ABCB5: variants seen among roughly 807,000 people sequenced by gnomAD.
ABCB5 encodes the protein ATP binding cassette subfamily B member 5.
ABCB5 carries 155 observed loss-of-function variants against 144.2 expected under a neutral mutation model. The ratio of observed to expected loss-of-function variants is 1.08; its 90% CI spans 0.94 to 1.23. ABCB5 has a LOEUF of 1.23. Among genes scored for constraint, ABCB5 ranks in the 50% most tolerant of loss-of-function variants. The probability of loss-of-function intolerance (pLI) is 0.00; values close to 1 mark genes in which losing one functional copy is unlikely to be tolerated. For synonymous variants in ABCB5, 610 were observed against 528.6 expected, an observed-to-expected ratio of 1.15 and a Z score of -2.11; for missense variants, 1,830 against 1,520.8, an observed-to-expected ratio of 1.20 and a Z score of -3.38.
intron 20 of ABCB5, among the ~76,000 whole-genome samples, chr7:20,720,357 T>G (rs1455619531): frequency 1.3e-5 from 2 of 152,214 alleles, no homozygotes; most frequent in Non-Finnish European, 2.9e-5. Context: ...TGACATAGCT[T>G]CAAAGTGCTT....
chr7:20,716,830 C>T (rs910559449), intron 20 of ABCB5, among the ~76,000 whole-genome samples: 1 of 152,156 alleles, frequency 6.6e-6, no homozygotes, highest in Non-Finnish European at 1.5e-5. Flanking sequence ...TGGGTGAGGG[C>T]TGAACCCTAC....
intron 14 of ABCB5, among the ~76,000 whole-genome samples, chr7:20,672,168 A>G (rs1467164042): frequency 6.6e-6 from 1 of 151,986 alleles, no homozygotes; most frequent in Non-Finnish European, 1.5e-5. Flanking sequence ...TTGTTTTCTT[A>G]TTACTGGGTT....
intron 20 of ABCB5, among the ~76,000 whole-genome samples, chr7:20,718,466 T>C (rs1583448390): frequency 6.6e-6 from 1 of 152,200 alleles, no homozygotes; most frequent in Non-Finnish European, 1.5e-5. Flanking sequence ...TATTTCATAG[T>C]TTTTTGAGTG....
intron 14 of ABCB5, among the ~76,000 whole-genome samples, chr7:20,668,774 G>T (rs1785330963): frequency 7.9e-6 from 1 of 127,058 alleles, no homozygotes; most frequent in Non-Finnish European, 1.7e-5. Flanking sequence ...GGTGAGGGGC[G>T]CCTCTGCCCG....
rs112050314 is a variant in ABCB5, at chr7:20,751,343, G to T, written c.3430-2017G>T. Among the ~76,000 whole-genome samples, 827 of 152,246 alleles carry T rather than the reference G, an allele frequency of 5.4e-3. 8 individuals are homozygous for T. The highest frequency in any genetic ancestry group is 0.019 in the African/African-American group (782 of 41,550). On this transcript the variant is annotated intron_variant, in intron 26 of 27. Transcript: ENST00000404938. Reference sequence around the variant, plus strand: ...AAAAATTAGCCAGGCGTGGTGGCGGGCGCCTGTAGTTGCAGCTACTGGGAG... The same window carrying T: ...AAAAATTAGCCAGGCGTGGTGGCGGTCGCCTGTAGTTGCAGCTACTGGGAG...
At chr7:20,657,316 A>G (rs982703814) in intron 13 of ABCB5, among the ~76,000 whole-genome samples, 4 of 142,836 alleles carry the variant, frequency 2.8e-5, no homozygotes, top group Middle Eastern at 3.2e-3. Flanking sequence ...ACATACTTAT[A>G]CTAAAAAAAA....
Position 20,633,336 on chromosome 7 carries a change from C to A in ABCB5, c.314+1223C>A, listed in dbSNP as rs376291355. 1.4e-4 allele frequency among the ~76,000 whole-genome samples: 22 copies of A among 152,244 alleles called. No individual in the cohort carries two copies. The East Asian group carries it at 2.3e-3, about 16-fold the overall frequency. ...TATATTGACTGGATTTCTGTACTGC[C>A]TCACTAAAGCTTTCTGGGTCTTTAC... On this transcript the variant is annotated intron_variant, in intron 5 of 27. Coordinates refer to ENST00000404938, the MANE Select transcript of ABCB5 (RefSeq NM_001163941.2).
chr7:20,724,719 T>C (rs1781983209), intron 21 of ABCB5, among the ~76,000 whole-genome samples: 1 of 150,870 alleles, frequency 6.6e-6, no homozygotes, highest in East Asian at 1.9e-4. Flanking sequence ...AATAGCAAAA[T>C]GATGTTAATA....
intron 14 of ABCB5, among the ~76,000 whole-genome samples, chr7:20,675,369 G>GGGTGCA (rs144476115): frequency 0.071 from 10,824 of 151,906 alleles, 1,130 homozygotes; most frequent in African/African-American, 0.23. Flanking sequence ...CCTTTGACAA[G>GGGTGCA]GGTGCAAAGA....
At chr7:20,704,883 A>G in intron 20 of ABCB5, 76 bp downstream of exon 20, 1 of 1,244,152 alleles carries the variant, frequency 8.0e-7, no homozygotes, top group African/African-American at 1.5e-5. Context: ...GTGTCTGTGC[A>G]TATATGTGAG....
chr7:20,753,613 T>C (rs1366800259), intron 27 of ABCB5, 107 bp downstream of exon 27: 9 of 1,318,530 alleles, frequency 6.8e-6, no homozygotes, highest in Middle Eastern at 5.1e-4. Context: ...GAAAGAATTG[T>C]AGTTCTAAGG....
intron 7 of ABCB5, among the ~76,000 whole-genome samples, chr7:20,644,228 G>T (rs1033342071): frequency 3.3e-5 from 5 of 151,936 alleles, no homozygotes; most frequent in Non-Finnish European, 7.4e-5. Flanking sequence ...GGGACTACAG[G>T]CAACCACGCC....
At position 20,658,590 on chromosome 7, in the gene ABCB5, C is replaced by A. The variant is rs760961508; in HGVS notation, c.1621C>A (p.Arg541=). The A allele has an allele frequency of 6.2e-7, 1 of 1,614,096 alleles. No individual in the cohort carries two copies. The highest frequency in any genetic ancestry group is 2.2e-5 in the East Asian group (1 of 44,886). Residue 541 remains arginine, a synonymous_variant, in exon 14 of 28, where the codon CGA becomes AGA. Transcript: ENST00000404938. ...QRIAIARALV[R]NPKILILDEA... ...GATCGCAATTGCTCGTGCCTTAGTTCGAAACCCCAAGATTCTGATTTTAGA... is the reference window on the plus strand; with the variant it reads ...GATCGCAATTGCTCGTGCCTTAGTTAGAAACCCCAAGATTCTGATTTTAGA...
At chr7:20,753,734 C>G (rs1168552795) in intron 27 of ABCB5, among the ~76,000 whole-genome samples, 1 of 152,148 alleles carries the variant, frequency 6.6e-6, no homozygotes, top group African/African-American at 2.4e-5. Flanking sequence ...GGTTTTCTCA[C>G]TCAAATTTGT....
At chr7:20,672,898 GTCTT>G (rs1266266427) in intron 14 of ABCB5, among the ~76,000 whole-genome samples, 2 of 152,060 alleles carry the variant, frequency 1.3e-5, no homozygotes, top group African/African-American at 4.8e-5. Flanking sequence ...GTATTTGTCT[GTCTT>G]TGAGTTTATT....
chr7:20,615,876 T>C (rs17804449), intron 1 of ABCB5, 39 bp downstream of exon 1: 1 of 152,204 alleles, frequency 6.6e-6, no homozygotes, highest in African/African-American at 2.4e-5. Flanking sequence ...ATGAAAACAA[T>C]TGAAGCTTGT....
intron 16 of ABCB5, 67 bp downstream of exon 16, chr7:20,685,903 T>C (rs1317722375): frequency 6.9e-7 from 1 of 1,457,488 alleles, no homozygotes; most frequent in Non-Finnish European, 9.2e-7. Context: ...CCTTACAAAA[T>C]TTAAAATTTA....
chr7:20,678,709 A>C (rs1183598100), intron 14 of ABCB5, among the ~76,000 whole-genome samples: 2 of 152,256 alleles, frequency 1.3e-5, no homozygotes, highest in African/African-American at 4.8e-5. Context: ...TGAAGAGGTA[A>C]ACTAATAGTT....
chr7:20,684,732 C>T (rs541096915), intron 15 of ABCB5, among the ~76,000 whole-genome samples: 131 of 152,204 alleles, frequency 8.6e-4, no homozygotes, highest in African/African-American at 2.8e-3. Context: ...TTGGATAGTC[C>T]GGGGCTGGTT....
Sources: gnomAD v4.1 joint callset for allele counts (sites outside exome capture counted in the v4.1 genomes callset) on GRCh38, gnomAD v4.1.1 for gene constraint, MANE v1.5 for transcripts, NCBI Gene and HGNC (gene_info 2026-07-23, HGNC 2026-07-21) for gene names.